The following IGSF21 variants were observed in gnomAD, a reference collection of about 807,000 sequenced individuals.
IGSF21 encodes the protein immunoglobin superfamily member 21, also known as immunoglobulin superfamily member 21.
A neutral mutation model predicts 46.8 loss-of-function variants in IGSF21; 28 were observed. The observed-to-expected ratio is 0.60, with a 90% CI of 0.44 to 0.82. The LOEUF is 0.82. Ranked by LOEUF, IGSF21 falls within the 40% of genes least tolerant of loss-of-function variation. The probability of loss-of-function intolerance (pLI) is 0.00; values close to 1 mark genes in which losing one functional copy is unlikely to be tolerated. For missense variants in IGSF21, 624 were observed against 665.5 expected, an observed-to-expected ratio of 0.94 and a Z score of 0.69; for synonymous variants, 284 against 273.6, an observed-to-expected ratio of 1.04 and a Z score of -0.38.
chr1:18,180,507 C>T (rs938381406), intron 1 of IGSF21, among the ~76,000 whole-genome samples: 7 of 152,170 alleles, frequency 4.6e-5, no homozygotes, highest in African/African-American at 9.7e-5. Flanking sequence ...AATAGCTTCC[C>T]TGGATAAAAC....
chr1:18,271,890 G>T (rs2085046245), intron 2 of IGSF21, among the ~76,000 whole-genome samples: 1 of 152,170 alleles, frequency 6.6e-6, no homozygotes, highest in African/African-American at 2.4e-5. Context: ...ATGGAGTGTG[G>T]CTCGTGATGG....
chr1:18,212,738 G>A (rs755705378), intron 1 of IGSF21, among the ~76,000 whole-genome samples: 27 of 151,806 alleles, frequency 1.8e-4, no homozygotes, highest in Non-Finnish European at 3.4e-4. Flanking sequence ...TGCAAAGACA[G>A]CCATGGGCTG....
chr1:18,308,534 C>A (rs1165313198), intron 3 of IGSF21, among the ~76,000 whole-genome samples: 1 of 152,182 alleles, frequency 6.6e-6, no homozygotes, highest in Non-Finnish European at 1.5e-5. Flanking sequence ...TCCACAACAC[C>A]CCTTGAGGCA....
intron 1 of IGSF21, among the ~76,000 whole-genome samples, chr1:18,140,151 T>C (rs1340117606): frequency 1.3e-5 from 2 of 152,158 alleles, no homozygotes; most frequent in African/African-American, 4.8e-5. Context: ...TCCCATTATG[T>C]TGCCCAAGCT....
chr1:18,232,032 A>G (rs1162278836), intron 2 of IGSF21, among the ~76,000 whole-genome samples: 1 of 151,678 alleles, frequency 6.6e-6, no homozygotes, highest in Non-Finnish European at 1.5e-5. Flanking sequence ...AAAGATGTCA[A>G]GAGAGTTGTC....
chr1:18,244,979 A>T (rs1198736317), intron 2 of IGSF21, among the ~76,000 whole-genome samples: 2 of 152,216 alleles, frequency 1.3e-5, no homozygotes, highest in African/African-American at 4.8e-5. Context: ...CAGTTTCCTC[A>T]TCTCATGTAA....
intron 2 of IGSF21, chr1:18,278,864 C>A: frequency 2.1e-6 from 1 of 471,610 alleles, no homozygotes; most frequent in Non-Finnish European, 4.4e-6. Flanking sequence ...CCCATGTTCA[C>A]ATTTTAATTG....
chr1:18,124,614 C>T (rs1356903932), intron 1 of IGSF21, among the ~76,000 whole-genome samples: 3 of 152,102 alleles, frequency 2.0e-5, no homozygotes, highest in African/African-American at 4.8e-5. Flanking sequence ...TGGAGGTGGC[C>T]CCGGACCCCG....
chr1:18,282,532 T>A (rs746397120), intron 2 of IGSF21, among the ~76,000 whole-genome samples: 5 of 151,736 alleles, frequency 3.3e-5, no homozygotes, highest in African/African-American at 7.3e-5. Context: ...GGTGTTTGGG[T>A]CGTGACTGTG....
chr1:18,236,567 G>A (rs1365058838), intron 2 of IGSF21, among the ~76,000 whole-genome samples: 1 of 152,210 alleles, frequency 6.6e-6, no homozygotes, highest in Non-Finnish European at 1.5e-5. Flanking sequence ...AATCTGGAAT[G>A]TTGGGGAGAG....
chr1:18,113,576 C>T (rs946392265), intron 1 of IGSF21: 1 of 149,874 alleles, frequency 6.7e-6, no homozygotes, highest in African/African-American at 2.5e-5. Flanking sequence ...ACTAAATTTG[C>T]TTTGGGAAAT....
chr1:18,355,576 A>G (rs1406749423), intron 4 of IGSF21, among the ~76,000 whole-genome samples: 1 of 151,648 alleles, frequency 6.6e-6, no homozygotes, highest in Non-Finnish European at 1.5e-5. Context: ...TATTCATGGA[A>G]ACTTCTAGCA....
At chr1:18,161,134 A>G (rs951691053) in intron 1 of IGSF21, among the ~76,000 whole-genome samples, 6 of 152,128 alleles carry the variant, frequency 3.9e-5, no homozygotes, top group Admixed American at 6.5e-5. Flanking sequence ...CAGGTAAGGA[A>G]AGAAAACCCC....
At chr1:18,135,162 T>C (rs1236742274) in intron 1 of IGSF21, among the ~76,000 whole-genome samples, 1 of 152,252 alleles carries the variant, frequency 6.6e-6, no homozygotes, top group African/African-American at 2.4e-5. Flanking sequence ...CTGCCCAAGA[T>C]GCCTCACTGA....
At chr1:18,351,777 TTTAAAACAGATTCACG>T in intron 4 of IGSF21, among the ~76,000 whole-genome samples, 1 of 152,218 alleles carries the variant, frequency 6.6e-6, no homozygotes, top group Non-Finnish European at 1.5e-5. Flanking sequence ...TTTGCTGCTA[TTTAAAACAGATTCACG>T]TTACACCCCA....
At chr1:18,255,600 T>C (rs909219041) in intron 2 of IGSF21, among the ~76,000 whole-genome samples, 3 of 152,078 alleles carry the variant, frequency 2.0e-5, no homozygotes, top group South Asian at 2.1e-4. Flanking sequence ...TCATTCCCTC[T>C]TTCTTTCCCT....
chr1:18,272,699 C>T (rs1204316723), intron 2 of IGSF21, among the ~76,000 whole-genome samples: 1 of 152,244 alleles, frequency 6.6e-6, no homozygotes, highest in Non-Finnish European at 1.5e-5. Context: ...TCGGCTCTTG[C>T]CAGGGACCTG....
chr1:18,280,659 G>T (rs756063691), intron 2 of IGSF21, among the ~76,000 whole-genome samples: 3 of 152,000 alleles, frequency 2.0e-5, no homozygotes, highest in Non-Finnish European at 4.4e-5. Flanking sequence ...ATCTCAAATT[G>T]ACTTGAACCT....
intron 2 of IGSF21, among the ~76,000 whole-genome samples, chr1:18,249,965 C>T (rs1418293613): frequency 1.3e-5 from 2 of 152,120 alleles, no homozygotes; most frequent in East Asian, 3.9e-4. Flanking sequence ...CCCTCCTTTC[C>T]CTGGGGAGAG....
Sources: allele counts gnomAD v4.1 joint callset (sites outside exome capture counted in the v4.1 genomes callset), GRCh38; gene constraint gnomAD v4.1.1; transcripts MANE v1.5; gene names NCBI Gene and HGNC (gene_info 2026-07-23, HGNC 2026-07-21).